The following KIAA1217 variants were observed in gnomAD, a reference collection of about 807,000 sequenced individuals.
The protein encoded by KIAA1217 is KIAA1217.
A neutral mutation model predicts 163.9 loss-of-function variants in KIAA1217; 88 were observed. The ratio of observed to expected loss-of-function variants is 0.54; its 90% confidence interval spans 0.45 to 0.64. The LOEUF is 0.64. Ranked by LOEUF, KIAA1217 falls within the 30% of genes least tolerant of loss-of-function variation. The pLI, the probability that KIAA1217 is intolerant of heterozygous loss-of-function variation, is 0.00. For synonymous variants in KIAA1217, 903 were observed against 923.1 expected (o/e 0.98, Z 0.39); for missense variants, 2,372 against 2,475.0 (o/e 0.96, Z 0.88).
chr10:24,193,779 G>A (rs1311881941), intron 2 of KIAA1217, among the ~76,000 whole-genome samples: 1 of 145,296 alleles, frequency 6.9e-6, no homozygotes, highest in Admixed American at 7.0e-5. Flanking sequence ...TTTTTTGTAT[G>A]AACTCCATCT....
At chr10:24,340,961 CAT>C (rs34911295) in intron 2 of KIAA1217, among the ~76,000 whole-genome samples, 7,481 of 152,214 alleles carry the variant, frequency 0.049, 244 homozygotes, top group Middle Eastern at 0.11. Flanking sequence ...GTGTCTGACA[CAT>C]GTTATGCGCC....
chr10:24,109,895 T>A (rs138411014), intron 2 of KIAA1217, among the ~76,000 whole-genome samples: 533 of 152,358 alleles, frequency 3.5e-3, no homozygotes, highest in African/African-American at 0.012. Flanking sequence ...AGACAACGTC[T>A]CGCTCTGTTG....
chr10:24,525,634 A>G (rs1025088498), intron 13 of KIAA1217, among the ~76,000 whole-genome samples: 1 of 152,210 alleles, frequency 6.6e-6, no homozygotes, highest in Non-Finnish European at 1.5e-5. Context: ...AAATTACTAT[A>G]GTCATCTAAG....
intron 1 of KIAA1217, among the ~76,000 whole-genome samples, chr10:23,704,146 ATGTGTG>A (rs1241004091): frequency 3.5e-4 from 23 of 64,856 alleles, no homozygotes; most frequent in African/African-American, 1.7e-3. Context: ...GTGTGTGTGT[ATGTGTG>A]TGTGTGTGTG....
At chr10:23,937,635 C>T (rs1490764436) in intron 1 of KIAA1217, among the ~76,000 whole-genome samples, 1 of 152,144 alleles carries the variant, frequency 6.6e-6, no homozygotes, top group African/African-American at 2.4e-5. Flanking sequence ...TAGAACGGCC[C>T]ATTAGTCTAC....
chr10:24,120,061 A>G (rs2063220281), intron 2 of KIAA1217, among the ~76,000 whole-genome samples: 2 of 152,192 alleles, frequency 1.3e-5, no homozygotes, highest in Admixed American at 1.3e-4. Context: ...CATGATTCCT[A>G]TGCGTCATCT....
At chr10:24,508,219 G>A (rs764761747) in intron 9 of KIAA1217, among the ~76,000 whole-genome samples, 27 of 151,834 alleles carry the variant, frequency 1.8e-4, no homozygotes, top group Non-Finnish European at 3.8e-4. Context: ...GTTTTAATAC[G>A]AAAAAAATCA....
At chr10:24,140,133 G>A (rs894529493) in intron 2 of KIAA1217, among the ~76,000 whole-genome samples, 66 of 152,114 alleles carry the variant, frequency 4.3e-4, no homozygotes, top group African/African-American at 1.4e-3. Context: ...GCCGAGGCGG[G>A]TGGATCACGA....
intron 2 of KIAA1217, among the ~76,000 whole-genome samples, chr10:24,099,872 G>A (rs541648418): frequency 6.6e-6 from 1 of 151,950 alleles, no homozygotes; most frequent in African/African-American, 2.4e-5. Context: ...CACTGCAGGG[G>A]TAGATAGGTT....
chr10:24,266,768 T>A (rs1385877019), intron 2 of KIAA1217, among the ~76,000 whole-genome samples: 5 of 151,948 alleles, frequency 3.3e-5, no homozygotes, highest in African/African-American at 1.2e-4. Context: ...GAAATCGAAT[T>A]TGGGAGGGGA....
At position 24,542,768 on chromosome 10, in the gene KIAA1217, A is replaced by T; in HGVS notation, c.3610A>T (p.Lys1204Ter). ...YENGPQMEFQ[K>*]VTTGAVRPSD... ...AAATGGCCCCCAAATGGAATTCCAA[A>T]AGGTGAGTTCACCAGATCTGGGTTC... Residue 1204 changes from lysine to a stop codon, truncating the protein, a stop_gained and splice_region_variant, in exon 18 of 21, where the codon AAG (lysine) becomes TAG (stop). Coordinates refer to ENST00000376454, the MANE Select transcript of KIAA1217 (RefSeq NM_019590.5). LOFTEE classifies it high-confidence loss of function. 1 of 1,614,012 alleles carries T rather than the reference A, an allele frequency of 6.2e-7. No homozygotes were observed. Among genetic ancestry groups the T allele is most frequent in the South Asian group, 1.1e-5 (1 of 91,070 alleles).
At chr10:24,493,487 A>G (rs1267362881) in intron 6 of KIAA1217, among the ~76,000 whole-genome samples, 3 of 152,240 alleles carry the variant, frequency 2.0e-5, no homozygotes, top group African/African-American at 7.2e-5. Context: ...GTTTTTAACA[A>G]TGTGTTGAAA....
intron 1 of KIAA1217, among the ~76,000 whole-genome samples, chr10:23,993,553 C>CCTTTTTTTTTTTTTT (rs1846317317): frequency 1.5e-5 from 1 of 68,956 alleles, no homozygotes; most frequent in Non-Finnish European, 2.4e-5. Context: ...CATAGCCCAG[C>CCTTTTTTTTTTTTTT]TTTTTTTTTT....
intron 3 of KIAA1217, among the ~76,000 whole-genome samples, chr10:24,417,813 C>T (rs771249575): frequency 6.6e-5 from 10 of 151,570 alleles, no homozygotes; most frequent in Non-Finnish European, 1.2e-4. Flanking sequence ...CCCACAGCCA[C>T]AGATCTGCTA....
chr10:24,099,586 T>TATATATTATA (rs1306527831), intron 2 of KIAA1217, among the ~76,000 whole-genome samples: 195 of 143,422 alleles, frequency 1.4e-3, no homozygotes, highest in African/African-American at 4.9e-3. Flanking sequence ...TATATATATA[T>TATATATTATA]TATATATATA....
At chr10:23,931,354 G>A (rs1843245364) in intron 1 of KIAA1217, among the ~76,000 whole-genome samples, 2 of 152,066 alleles carry the variant, frequency 1.3e-5, no homozygotes, top group Admixed American at 6.6e-5. Context: ...TAGAATCTGG[G>A]GACTTTGGTG....
intron 2 of KIAA1217, among the ~76,000 whole-genome samples, chr10:24,035,088 G>A (rs1241319845): frequency 6.6e-6 from 1 of 152,198 alleles, no homozygotes; most frequent in East Asian, 1.9e-4. Context: ...GAAGAGGGCA[G>A]ATTCTAGGGC....
At chr10:24,008,432 C>T (rs984369356) in intron 2 of KIAA1217, among the ~76,000 whole-genome samples, 2 of 152,080 alleles carry the variant, frequency 1.3e-5, no homozygotes, top group African/African-American at 2.4e-5. Context: ...CCCTGAGTGA[C>T]GGTAGAAAGT....
In KIAA1217 at chr10:23,869,612, A is replaced by G. The variant is rs1427804347; in HGVS notation, c.-320-137613A>G. Among the ~76,000 whole-genome samples the G allele has an allele frequency of 2.0e-5, 3 of 152,104 alleles. No homozygotes were observed. In the East Asian group the frequency reaches 5.8e-4, roughly 29 times the overall value. ...AAGTCCTGACGTTTGCAAACAACTTACAGTTGTAACGCAGATAAGTTTAGC... is the reference window on the plus strand; with the variant it reads ...AAGTCCTGACGTTTGCAAACAACTTGCAGTTGTAACGCAGATAAGTTTAGC... On this transcript the variant is annotated intron_variant, in intron 1 of 18. Coordinates refer to the KIAA1217 transcript ENST00000376462.
Sources: gnomAD v4.1 joint callset for allele counts (sites outside exome capture counted in the v4.1 genomes callset) on GRCh38, gnomAD v4.1.1 for gene constraint, MANE v1.5 for transcripts, NCBI Gene and HGNC (gene_info 2026-07-23, HGNC 2026-07-21) for gene names.